APBA1: variants seen among roughly 807,000 people sequenced by gnomAD.
APBA1 encodes amyloid beta precursor protein binding family A member 1.
APBA1 carries 55 observed loss-of-function variants against 86.6 expected under a neutral mutation model. The ratio of observed to expected loss-of-function variants is 0.64; its 90% confidence interval spans 0.51 to 0.80. The LOEUF (loss-of-function observed/expected upper bound fraction) is 0.80, where lower values mean the gene tolerates loss of function less well. Among genes scored for constraint, APBA1 ranks in the 30% least tolerant of loss-of-function variants. The pLI is 0.00. For synonymous variants in APBA1, 511 were observed against 493.9 expected (o/e 1.03, Z -0.46); for missense variants, 1,090 against 1,183.0 (o/e 0.92, Z 1.15).
chr9:69,655,461 A>T (rs1823590346), intron 1 of APBA1, among the ~76,000 whole-genome samples: 1 of 152,204 alleles, frequency 6.6e-6, no homozygotes, highest in Non-Finnish European at 1.5e-5. Context: ...TTCGAAAAAA[A>T]ATCAAGAAAG....
At position 69,440,878 on chromosome 9, in the gene APBA1, G is replaced by A. The variant is rs148068350; in HGVS notation, c.2301+118C>T. 5.8e-4 allele frequency: 737 copies of A among 1,277,678 alleles called. 4 individuals carry two copies. In the African/African-American group the frequency reaches 8.3e-3, roughly 14 times the overall value. 79.1% of individuals were successfully genotyped at this position (1,277,678 alleles called of 1,614,324 possible). On this transcript the variant is annotated intron_variant, in intron 11 of 12. Transcript: ENST00000265381. ...ATTACCCGTCTTCTGCATCACTCAC[G>A]CTGGGAGTTGTAGACTGGAGCTGTT...
chr9:69,488,652 G>A (rs1031802659), intron 2 of APBA1, among the ~76,000 whole-genome samples: 1 of 152,138 alleles, frequency 6.6e-6, no homozygotes, highest in South Asian at 2.1e-4. Context: ...GACGGGCAAG[G>A]GGTGGAGAGG....
intron 1 of APBA1, among the ~76,000 whole-genome samples, chr9:69,632,180 G>T (rs1823060851): frequency 6.6e-6 from 1 of 152,046 alleles, no homozygotes; most frequent in Admixed American, 6.6e-5. Context: ...ACTGTTCTGG[G>T]TGGAGTCACT....
At chr9:69,598,198 C>T (rs1822270807) in intron 1 of APBA1, among the ~76,000 whole-genome samples, 1 of 151,912 alleles carries the variant, frequency 6.6e-6, no homozygotes, top group Non-Finnish European at 1.5e-5. Flanking sequence ...AAACCAAACA[C>T]TGCAAATTCT....
chr9:69,482,283 A>G (rs1215227868), intron 2 of APBA1, among the ~76,000 whole-genome samples: 2 of 151,600 alleles, frequency 1.3e-5, no homozygotes, highest in African/African-American at 4.8e-5. Context: ...CAAGAAAAAA[A>G]CAAACAACCT....
At position 69,429,218 on chromosome 9, in the gene APBA1, T is replaced by C. The variant is rs1434346886; in HGVS notation, c.*2109A>G. 7 of 152,230 alleles carry C rather than the reference T, an allele frequency of 4.6e-5. No individual in the cohort carries two copies. The highest frequency in any genetic ancestry group is 7.3e-5 in the Non-Finnish European group (5 of 68,044). The allele number at this position is 152,230 out of a possible 1,614,324, so 9.4% of individuals were successfully genotyped here. A position where few individuals can be genotyped will look rare whatever the true frequency, so the allele number is the denominator to read the frequency against. On this transcript the variant is annotated 3_prime_UTR_variant, in exon 13 of 13. Transcript: ENST00000265381. Reference sequence around the variant, plus strand: ...CCAGTAACACTTCATTCCTGTTCTATCCACTCTTATTGGCAGAGGAAAGAT... The same window carrying C: ...CCAGTAACACTTCATTCCTGTTCTACCCACTCTTATTGGCAGAGGAAAGAT...
chr9:69,618,546 T>G (rs1486525983), intron 1 of APBA1, among the ~76,000 whole-genome samples: 12 of 152,098 alleles, frequency 7.9e-5, no homozygotes, highest in Admixed American at 7.9e-4. Flanking sequence ...AACGGAGGTA[T>G]GAAGTAAATC....
intron 1 of APBA1, among the ~76,000 whole-genome samples, chr9:69,611,914 A>G (rs563417829): frequency 8.5e-5 from 13 of 152,326 alleles, no homozygotes; most frequent in African/African-American, 3.1e-4. Flanking sequence ...TTAGTTAAGT[A>G]AATAATTAAC....
At chr9:69,631,252 AACAG>A (rs979967049) in intron 1 of APBA1, among the ~76,000 whole-genome samples, 8 of 152,222 alleles carry the variant, frequency 5.3e-5, no homozygotes, top group African/African-American at 1.9e-4. Flanking sequence ...AAAGGATATG[AACAG>A]ACACTTCTCA....
chr9:69,469,925 A>G (rs1374806794), intron 4 of APBA1, among the ~76,000 whole-genome samples: 1 of 152,250 alleles, frequency 6.6e-6, no homozygotes, highest in Non-Finnish European at 1.5e-5. Context: ...GTTAAAAGAA[A>G]ACAAAAATTA....
chr9:69,457,018 G>A, intron 7 of APBA1, 35 bp downstream of exon 7: 1 of 1,565,642 alleles, frequency 6.4e-7, no homozygotes, highest in Non-Finnish European at 8.8e-7. Context: ...ATGTCACTAA[G>A]CTTCACCCTG....
Position 69,449,865 on chromosome 9 carries a change from C to CT in APBA1, c.1969-70dup. 5 of 1,394,854 alleles carry CT rather than the reference C, an allele frequency of 3.6e-6. No homozygotes were observed. In the South Asian group the frequency reaches 6.6e-5, roughly 18 times the overall value. The allele number at this position is 1,394,854 out of a possible 1,614,324, so 86.4% of individuals were successfully genotyped here. On this transcript the variant is annotated intron_variant, in intron 9 of 12. Coordinates refer to ENST00000265381, the MANE Select transcript of APBA1 (RefSeq NM_001163.4). ...CTGGGGTAGGTAGAAATGAAAGCCT[C>CT]TCCCCCATTCCTGTCTTGCCTAAAG...
rs185971116 is a variant in APBA1 at position 69,535,669 on chromosome 9, T to C, written c.-69-18390A>G. Among the ~76,000 whole-genome samples, 15 of 152,276 alleles carry C rather than the reference T, an allele frequency of 9.9e-5. 1 individual carries two copies. The East Asian group carries it at 2.9e-3, about 29-fold the overall frequency. On this transcript the variant is annotated intron_variant, in intron 1 of 12. Coordinates refer to ENST00000265381, the MANE Select transcript of APBA1 (RefSeq NM_001163.4). ...CTGGAATGATCCTCTACTTTTCTTA[T>C]CTTTTCTCTGTTTCTATCTCATTCT... is the stretch of plus-strand genomic sequence containing the variant.
intron 1 of APBA1, among the ~76,000 whole-genome samples, chr9:69,543,770 C>A (rs1330860462): frequency 1.3e-5 from 2 of 152,200 alleles, no homozygotes; most frequent in African/African-American, 2.4e-5. Context: ...CATCATATGA[C>A]CTGTTCCAGA....
At chr9:69,523,620 C>T (rs999771072) in intron 1 of APBA1, among the ~76,000 whole-genome samples, 1 of 149,624 alleles carries the variant, frequency 6.7e-6, no homozygotes, top group Non-Finnish European at 1.5e-5. Context: ...CTTAGCCATA[C>T]AATAGTAGTA....
chr9:69,620,884 G>C lies in APBA1; in HGVS notation c.-70+51269C>G, dbSNP rs189130611. On this transcript the variant is annotated intron_variant, in intron 1 of 12. Transcript: ENST00000265381. ...GTCACACGAAGGAGCTGCACAGTTG[G>C]ACGACAGTGAAGCTCCAGAAATGAA... Among the ~76,000 whole-genome samples the C allele has an allele frequency of 6.7e-3, 1,026 of 152,320 alleles. 6 individuals carry two copies. The highest frequency in any genetic ancestry group is 0.024 in the African/African-American group (985 of 41,560).
intron 2 of APBA1, among the ~76,000 whole-genome samples, chr9:69,496,549 T>C (rs1461218828): frequency 6.6e-6 from 1 of 152,030 alleles, no homozygotes; most frequent in East Asian, 1.9e-4. Flanking sequence ...TCTCTCCTCA[T>C]TGTTCTGGCA....
chr9:69,621,591 T>G (rs1822818860), intron 1 of APBA1, among the ~76,000 whole-genome samples: 1 of 152,226 alleles, frequency 6.6e-6, no homozygotes, highest in Admixed American at 6.5e-5. Context: ...ATTTATTCTC[T>G]TTGTGCCTCA....
intron 1 of APBA1, among the ~76,000 whole-genome samples, chr9:69,566,626 C>T (rs978495876): frequency 6.6e-6 from 1 of 152,152 alleles, no homozygotes; most frequent in Non-Finnish European, 1.5e-5. Flanking sequence ...CATGATTTGG[C>T]TCCTGGCTTC....
Sources: allele counts gnomAD v4.1 joint callset (sites outside exome capture counted in the v4.1 genomes callset), GRCh38; gene constraint gnomAD v4.1.1; transcripts MANE v1.5; gene names NCBI Gene and HGNC (gene_info 2026-07-23, HGNC 2026-07-21).